GNAO1: variants seen among roughly 807,000 people sequenced by gnomAD.
GNAO1 encodes G protein subunit alpha o1.
For missense variants in GNAO1, 166 were observed against 478.7 expected (o/e 0.35, Z 6.10); for synonymous variants, 164 against 180.7 (o/e 0.91, Z 0.74).
At chr16:56,244,550 A>G (rs537660179) in intron 2 of GNAO1, among the ~76,000 whole-genome samples, 139 of 152,036 alleles carry the variant, frequency 9.1e-4, no homozygotes, top group African/African-American at 3.3e-3. Flanking sequence ...TGGATCCCTC[A>G]TTGCTTGTTC....
rs965806484 is a variant in GNAO1 at position 56,294,163 on chromosome 16, T to G, written c.303+18091T>G. ...GCCAGGCTCTGCGAGGGGAGTTTACTTGCAATCCTGGCTCTGGCACTAACT... is the reference window on the plus strand; with the variant it reads ...GCCAGGCTCTGCGAGGGGAGTTTACGTGCAATCCTGGCTCTGGCACTAACT... On this transcript the variant is annotated intron_variant, in intron 3 of 8. Transcript: ENST00000262493. Among the ~76,000 whole-genome samples, 3 of 152,254 alleles carry G rather than the reference T, an allele frequency of 2.0e-5. No homozygotes were observed. The East Asian group carries it at 5.8e-4, about 29-fold the overall frequency.
At chr16:56,336,508 G>T in intron 5 of GNAO1, 1 of 500,952 alleles carries the variant, frequency 2.0e-6, no homozygotes, top group Non-Finnish European at 3.6e-6. Flanking sequence ...TGATCTGTGA[G>T]CACAGCCAGT....
At chr16:56,347,041 C>A (rs2037876537) in intron 6 of GNAO1, 1 of 985,456 alleles carries the variant, frequency 1.0e-6, no homozygotes, top group Non-Finnish European at 1.2e-6. Flanking sequence ...TTCCTGGCCA[C>A]CCCCTTTATT....
chr16:56,347,271 G>C (rs1313974495), intron 6 of GNAO1: 1 of 985,338 alleles, frequency 1.0e-6, no homozygotes, highest in African/African-American at 1.7e-5. Flanking sequence ...ACCCAGACCT[G>C]AGGCTCCAGC....
chr16:56,191,764 G>GCCT lies in GNAO1; in HGVS notation c.-466_-464dup, dbSNP rs1260531911. 1 of 210,526 alleles carries GCCT rather than the reference G, an allele frequency of 4.8e-6. No homozygotes were observed. The highest frequency in any genetic ancestry group is 9.4e-6 in the Non-Finnish European group (1 of 106,306). The allele number at this position is 210,526 out of a possible 1,614,324, so 13.0% of individuals were successfully genotyped here. A position where few individuals can be genotyped will look rare whatever the true frequency, so the allele number is the denominator to read the frequency against. ...CTCCACATCCCGCGCCGCCGCCGCC[G>GCCT]CCTCCTCCACCTCCTCCTCCGCCGC... On this transcript the variant is annotated 5_prime_UTR_variant, in exon 1 of 9. Transcript: ENST00000262493. This position sits in a 1 kb window ranked among gnomAD's most constrained non-coding sequence, Gnocchi z 4.7.
chr16:56,247,172 G>A (rs921611855), intron 2 of GNAO1, among the ~76,000 whole-genome samples: 4 of 152,186 alleles, frequency 2.6e-5, no homozygotes, highest in Non-Finnish European at 5.9e-5. Flanking sequence ...CGTCAGCAGA[G>A]CACATGGGCT....
At chr16:56,339,407 A>G (rs911717948) in intron 6 of GNAO1, among the ~76,000 whole-genome samples, 2 of 152,252 alleles carry the variant, frequency 1.3e-5, no homozygotes, top group African/African-American at 2.4e-5. Flanking sequence ...TGGCTACAAC[A>G]TTCAGATGCC....
At chr16:56,237,272 T>C (rs1401561202) in intron 2 of GNAO1, among the ~76,000 whole-genome samples, 3 of 152,202 alleles carry the variant, frequency 2.0e-5, no homozygotes, top group African/African-American at 7.2e-5. Context: ...CAGTCATTCG[T>C]TAAACAGATA....
chr16:56,255,143 A>G (rs1163387254), intron 2 of GNAO1, among the ~76,000 whole-genome samples: 2 of 152,036 alleles, frequency 1.3e-5, no homozygotes, highest in Non-Finnish European at 2.9e-5. Context: ...TGTCCCTTCT[A>G]TTTTCAGAGT....
chr16:56,254,263 A>G (rs996806495), intron 2 of GNAO1, among the ~76,000 whole-genome samples: 2 of 152,070 alleles, frequency 1.3e-5, no homozygotes, highest in African/African-American at 2.4e-5. Flanking sequence ...CTATATGTCT[A>G]TTTTTGAAAT....
At chr16:56,338,095 G>T (rs1452728598) in intron 6 of GNAO1, among the ~76,000 whole-genome samples, 7 of 152,162 alleles carry the variant, frequency 4.6e-5, no homozygotes, top group African/African-American at 1.7e-4. Flanking sequence ...TGTGAGGATG[G>T]GATCAACTTT....
intron 3 of GNAO1, among the ~76,000 whole-genome samples, chr16:56,323,324 A>G (rs1440549004): frequency 6.6e-6 from 1 of 152,250 alleles, no homozygotes; most frequent in Non-Finnish European, 1.5e-5. Context: ...TCTGGAAATT[A>G]TGCCTTAAAT....
chr16:56,343,487 C>A (rs1186461654), intron 6 of GNAO1, among the ~76,000 whole-genome samples: 21 of 134,316 alleles, frequency 1.6e-4, no homozygotes, highest in South Asian at 5.0e-4. Context: ...GACCCTATCT[C>A]AAAAAAAAAA....
At chr16:56,247,371 A>G (rs1183297737) in intron 2 of GNAO1, among the ~76,000 whole-genome samples, 5 of 151,628 alleles carry the variant, frequency 3.3e-5, no homozygotes, top group African/African-American at 1.2e-4. Context: ...GCTGTACCCA[A>G]TTTCTCCACT....
chr16:56,309,090 C>T (rs879488391), intron 3 of GNAO1, among the ~76,000 whole-genome samples: 38 of 152,128 alleles, frequency 2.5e-4, no homozygotes, highest in Non-Finnish European at 5.1e-4. Context: ...CAGGAGACAG[C>T]CCCCTTCCCA....
At chr16:56,194,440 G>A (rs1245802849) in intron 2 of GNAO1, 7 of 357,876 alleles carry the variant, frequency 2.0e-5, no homozygotes, top group African/African-American at 1.3e-4. Context: ...CCCAGTAGAA[G>A]CCCCAGCCAC....
At chr16:56,199,768 G>A (rs1294582119) in intron 2 of GNAO1, among the ~76,000 whole-genome samples, 1 of 152,184 alleles carries the variant, frequency 6.6e-6, no homozygotes, top group African/African-American at 2.4e-5. Flanking sequence ...GTGGGGAATA[G>A]TGGGAGTATT....
Position 56,278,824 on chromosome 16 carries a change from C to T in GNAO1, c.303+2752C>T, listed in dbSNP as rs146474368. On this transcript the variant is annotated intron_variant, in intron 3 of 8. Coordinates refer to ENST00000262493, the MANE Select transcript of GNAO1 (RefSeq NM_020988.3). The stretch of plus-strand genomic sequence containing the variant: ...GGCCCTGAGGGAGGAATGAGCCTGG[C>T]GCAGAGGAATATAAAGCTCTGTTCA... 1.2e-3 allele frequency among the ~76,000 whole-genome samples: 181 copies of T among 152,210 alleles called. 1 individual carries two copies. The highest frequency in any genetic ancestry group is 4.2e-3 in the South Asian group (20 of 4,814).
intron 2 of GNAO1, among the ~76,000 whole-genome samples, chr16:56,260,652 C>T (rs1296261308): frequency 6.6e-6 from 1 of 152,134 alleles, no homozygotes; most frequent in East Asian, 1.9e-4. Flanking sequence ...ACCCAAACAT[C>T]CCTAGAGAGG....
Sources: gnomAD v4.1 joint callset for allele counts (sites outside exome capture counted in the v4.1 genomes callset) on GRCh38, gnomAD v4.1.1 for gene constraint, Gnocchi (gnomAD v3.1) non-coding constraint, MANE v1.5 for transcripts, NCBI Gene and HGNC (gene_info 2026-07-23, HGNC 2026-07-21) for gene names.